PLXNC1: variants seen among roughly 807,000 people sequenced by gnomAD.
PLXNC1 encodes plexin-C1.
PLXNC1 carries 75 observed loss-of-function variants against 178.2 expected under a neutral mutation model. That is an observed-to-expected ratio of 0.42 (90% CI 0.35 to 0.51). PLXNC1 has a LOEUF of 0.51. Among genes scored for constraint, PLXNC1 ranks in the 20% least tolerant of loss-of-function variants. PLXNC1 has a pLI of 0.02. For synonymous variants in PLXNC1, 790 were observed against 779.9 expected (o/e 1.01, Z -0.22); for missense variants, 1,503 against 1,984.4 (o/e 0.76, Z 4.61).
intron 10 of PLXNC1, 62 bp downstream of exon 10, chr12:94,237,865 A>G (rs1397259841): frequency 6.5e-7 from 1 of 1,549,366 alleles, no homozygotes; most frequent in Non-Finnish European, 8.8e-7. Context: ...TGCCAAAGGA[A>G]TATCAGTGTG....
chr12:94,230,784 G>A (rs188657684), intron 9 of PLXNC1, among the ~76,000 whole-genome samples: 28 of 152,318 alleles, frequency 1.8e-4, no homozygotes, highest in Admixed American at 1.8e-3. Flanking sequence ...TTGCTTCAAT[G>A]CATCTGCCCA....
chr12:94,291,041 CCTTG>C (rs769650083), intron 23 of PLXNC1, among the ~76,000 whole-genome samples: 10 of 152,234 alleles, frequency 6.6e-5, no homozygotes, highest in South Asian at 4.1e-4. Context: ...AAGGGCACTT[CCTTG>C]CTTGGGGATT....
At chr12:94,196,176 A>G (rs182999733) in intron 4 of PLXNC1, among the ~76,000 whole-genome samples, 3 of 152,316 alleles carry the variant, frequency 2.0e-5, no homozygotes, top group African/African-American at 7.2e-5. Context: ...TGAGCTACAT[A>G]CAGCAGAGAG....
intron 28 of PLXNC1, 129 bp from the exon 29 acceptor site, chr12:94,303,627 T>C: frequency 2.8e-6 from 2 of 717,142 alleles, no homozygotes; most frequent in Non-Finnish European, 4.3e-6. Flanking sequence ...GAAGCCTTGT[T>C]AGCAAGAGGT....
intron 11 of PLXNC1, 94 bp from the exon 12 acceptor site, chr12:94,243,844 T>C: frequency 1.7e-6 from 1 of 577,856 alleles, no homozygotes; most frequent in Admixed American, 2.8e-5. Flanking sequence ...TTGGGTTTAA[T>C]ATTAAACATG....
At chr12:94,235,719 C>T (rs1283001969) in intron 9 of PLXNC1, among the ~76,000 whole-genome samples, 3 of 152,202 alleles carry the variant, frequency 2.0e-5, no homozygotes, top group Non-Finnish European at 2.9e-5. Flanking sequence ...CAGCCAGAGA[C>T]ACTACCCAGA....
rs139117739 is a variant in PLXNC1, at chr12:94,165,162, C to T, written c.1063-3991C>T. Among the ~76,000 whole-genome samples, 853 of 152,046 alleles carry T rather than the reference C, an allele frequency of 5.6e-3. 25 individuals carry two copies. The highest frequency in any genetic ancestry group is 0.043 in the Admixed American group (657 of 15,272). On this transcript the variant is annotated intron_variant, in intron 1 of 30. Coordinates refer to ENST00000258526, the MANE Select transcript of PLXNC1 (RefSeq NM_005761.3). Reference sequence around the variant, plus strand: ...AGAAGGGCAAGATAGAAAATAGGCCCGAAAAAAAGAGAGAAAGAATAATCT... The same window carrying T: ...AGAAGGGCAAGATAGAAAATAGGCCTGAAAAAAAGAGAGAAAGAATAATCT...
At chr12:94,220,851 T>C (rs1258806820) in intron 6 of PLXNC1, among the ~76,000 whole-genome samples, 2 of 152,076 alleles carry the variant, frequency 1.3e-5, no homozygotes, top group African/African-American at 4.8e-5. Context: ...TGGGGATGGG[T>C]ATTTCAGACA....
chr12:94,164,238 A>G (rs1054267648), intron 1 of PLXNC1, among the ~76,000 whole-genome samples: 1 of 152,236 alleles, frequency 6.6e-6, no homozygotes, highest in Non-Finnish European at 1.5e-5. Flanking sequence ...TGCCCAAGAA[A>G]GGCATTTTGT....
chr12:94,190,946 C>T (rs1458421642), intron 4 of PLXNC1, among the ~76,000 whole-genome samples: 3 of 152,218 alleles, frequency 2.0e-5, no homozygotes, highest in African/African-American at 7.2e-5. Flanking sequence ...CCTACCCAGT[C>T]TTCAGTAGCC....
chr12:94,195,762 T>G (rs1184906891), intron 4 of PLXNC1, among the ~76,000 whole-genome samples: 1 of 152,196 alleles, frequency 6.6e-6, no homozygotes, highest in Non-Finnish European at 1.5e-5. Flanking sequence ...AAGAGATCAT[T>G]TCTCGCTCGG....
At chr12:94,256,070 C>G (rs1386391290) in intron 17 of PLXNC1, 1 of 152,242 alleles carries the variant, frequency 6.6e-6, no homozygotes, top group Non-Finnish European at 1.5e-5. Context: ...GATACCCCAG[C>G]TCTGCCATAT....
chr12:94,149,929 C>G lies in PLXNC1; in HGVS notation c.958C>G (p.Arg320Gly), dbSNP rs752614002. The change falls in exon 1 of 31, where the codon CGG becomes GGG. Residue 320 changes from arginine to glycine, a missense_variant. Physicochemically the swap from Arg to Gly is moderately radical, Grantham distance 125. This residue lies in a region of PLXNC1 where 615 missense variants were observed against 698.6 expected (regional missense o/e 0.88). Transcript: ENST00000258526. ...FSAAAGEGQE[R>G]RSPTTTALCL... ...CGCGGCCGCTGGAGAGGGCCAGGAG[C>G]GGCGCTCCCCCACCACCACGGCGCT... 2 of 1,586,460 alleles carry G rather than the reference C, an allele frequency of 1.3e-6. No individual in the cohort carries two copies. The highest frequency in any genetic ancestry group is 2.3e-5 in the South Asian group (2 of 87,454).
At position 94,204,326 on chromosome 12, in the gene PLXNC1, A is replaced by G. The variant is rs188302292; in HGVS notation, c.1440-5264A>G. Among the ~76,000 whole-genome samples the G allele has an allele frequency of 1.6e-3, 250 of 152,342 alleles. 1 individual carries two copies. Among genetic ancestry groups the G allele is most frequent in the African/African-American group, 5.7e-3 (235 of 41,564 alleles). On this transcript the variant is annotated intron_variant, in intron 4 of 30. Coordinates refer to ENST00000258526, the MANE Select transcript of PLXNC1 (RefSeq NM_005761.3). ...GGAACCAGCTATGCCTCAGTTTCCC[A>G]CATCTGTGAAGCAGGGACAATTATT...
In PLXNC1 at chr12:94,295,416, T is replaced by C. The variant is rs531536817; in HGVS notation, c.3934+876T>C. On this transcript the variant is annotated intron_variant, in intron 24 of 30. Coordinates refer to ENST00000258526, the MANE Select transcript of PLXNC1 (RefSeq NM_005761.3). ...CTTAAGGGGGATGGTGTCTTTGTGTTGAAAAGTGGAAGAGCATGGTTTTTA... is the reference window on the plus strand; with the variant it reads ...CTTAAGGGGGATGGTGTCTTTGTGTCGAAAAGTGGAAGAGCATGGTTTTTA... 2.0e-5 allele frequency among the ~76,000 whole-genome samples: 3 copies of C among 152,336 alleles called. No homozygotes were observed. In the East Asian group the frequency reaches 5.8e-4, roughly 29 times the overall value.
Position 94,260,257 on chromosome 12 carries a change from T to C in PLXNC1, c.3252-385T>C, listed in dbSNP as rs1180479089. On this transcript the variant is annotated intron_variant, in intron 19 of 30. Coordinates refer to ENST00000258526, the MANE Select transcript of PLXNC1 (RefSeq NM_005761.3). The surrounding 1 kb of genome is among the most constrained non-coding windows in gnomAD (Gnocchi z 4.4). Reference sequence around the variant, plus strand: ...TGTTGTAGTAGAGATGGGGTCTTGCTATATTGCCCAGGCTGGTCTCAAACT... The same window carrying C: ...TGTTGTAGTAGAGATGGGGTCTTGCCATATTGCCCAGGCTGGTCTCAAACT... 6.6e-6 allele frequency among the ~76,000 whole-genome samples: 1 copy of C among 152,088 alleles called. No individual in the cohort carries two copies. Among genetic ancestry groups the C allele is most frequent in the Non-Finnish European group, 1.5e-5 (1 of 68,012 alleles).
chr12:94,150,839 T>TCATGGTGGTGA (rs1211877178), intron 1 of PLXNC1: 8 of 152,418 alleles, frequency 5.2e-5, no homozygotes, highest in Admixed American at 5.2e-4. Context: ...ATGGCGGGAC[T>TCATGGTGGTGA]CAGAGTCACC....
At chr12:94,181,159 G>A (rs549127162) in intron 2 of PLXNC1, among the ~76,000 whole-genome samples, 1 of 152,122 alleles carries the variant, frequency 6.6e-6, no homozygotes, top group Admixed American at 6.5e-5. Flanking sequence ...CAGCACTTTG[G>A]GAGGCTGAGG....
intron 9 of PLXNC1, among the ~76,000 whole-genome samples, chr12:94,236,395 C>T (rs1455880008): frequency 6.6e-6 from 1 of 152,200 alleles, no homozygotes; most frequent in Non-Finnish European, 1.5e-5. Context: ...TGTAGCCCAG[C>T]AATGCCACCC....
Sources: allele counts gnomAD v4.1 joint callset (sites outside exome capture counted in the v4.1 genomes callset), GRCh38; gene constraint gnomAD v4.1.1; regional missense constraint gnomAD v4.1.1; non-coding constraint Gnocchi (gnomAD v3.1); transcripts MANE v1.5; gene names NCBI Gene and HGNC (gene_info 2026-07-23, HGNC 2026-07-21).